TAT: variants seen among roughly 807,000 people sequenced by gnomAD.
TAT encodes the protein L-tyrosine:2-oxoglutarate aminotransferase.
In TAT, 35 loss-of-function variants were observed where a neutral mutation model predicts 53.6. The observed-to-expected ratio is 0.65, with a 90% confidence interval of 0.50 to 0.87. TAT has a LOEUF of 0.87. Among genes scored for constraint, TAT ranks in the 40% least tolerant of loss-of-function variants. The pLI is 0.00. For synonymous variants in TAT, 197 were observed against 206.5 expected, an observed-to-expected ratio of 0.95 and a Z score of 0.39; for missense variants, 525 against 571.8, an observed-to-expected ratio of 0.92 and a Z score of 0.83.
chr16:71,571,342 C>G (rs2044201711), intron 7 of TAT, among the ~76,000 whole-genome samples: 1 of 152,120 alleles, frequency 6.6e-6, no homozygotes, highest in South Asian at 2.1e-4. Flanking sequence ...TATAGATCCA[C>G]AAGTGGGAAA....
At chr16:71,571,494 T>A in intron 7 of TAT, 112 bp downstream of exon 7, 2 of 990,914 alleles carry the variant, frequency 2.0e-6, no homozygotes, top group Non-Finnish European at 3.2e-6. Flanking sequence ...AGTGCAGGGA[T>A]GCTGATTTGC....
At chr16:71,568,944 G>A in intron 10 of TAT, 135 bp from the exon 11 acceptor site, 1 of 705,602 alleles carries the variant, frequency 1.4e-6, no homozygotes. Flanking sequence ...TAAATAAGAG[G>A]GCTAATATTT....
chr16:71,572,759 G>T, intron 4 of TAT, 71 bp from the exon 5 acceptor site: 1 of 1,571,140 alleles, frequency 6.4e-7, no homozygotes, highest in South Asian at 1.1e-5. Flanking sequence ...GTTGTCAGGT[G>T]GGTGAGTTGG....
Position 71,575,953 on chromosome 16 carries a change from C to T in TAT, c.309G>A (p.Ser103=), listed in dbSNP as rs78302875. 106,553 of 1,613,964 alleles carry T rather than the reference C, an allele frequency of 0.066. 3,809 individuals are homozygous for T. Among genetic ancestry groups the T allele is most frequent in the African/African-American group, 0.1 (7,457 of 74,944 alleles). ...VTQAMKDALD[S]GKYNGYAPSI... ...ATGGGGCATAGCCATTATATTTGCC[C>T]GAGTCCAGGGCATCTTTCATTGCCT... The change falls in exon 3 of 12, where the codon TCG becomes TCA. Residue 103 remains serine, a synonymous_variant. Coordinates refer to ENST00000355962, the MANE Select transcript of TAT (RefSeq NM_000353.3).
At chr16:71,568,562 A>G in intron 11 of TAT, 149 bp downstream of exon 11, 1 of 765,742 alleles carries the variant, frequency 1.3e-6, no homozygotes, top group East Asian at 2.7e-5. Context: ...CAAATTTTAA[A>G]TAGGATCCAT....
intron 3 of TAT, 184 bp downstream of exon 3, chr16:71,575,738 C>T: frequency 3.0e-6 from 2 of 671,104 alleles, no homozygotes; most frequent in South Asian, 3.4e-5. Context: ...AGAAGTTGGA[C>T]CTTGATGCCT....
rs532257908 is a variant in TAT at position 71,572,379 on chromosome 16, C to T, written c.568-55G>A. 1.6e-4 allele frequency: 255 copies of T among 1,611,850 alleles called. 2 individuals are homozygous for T. The highest frequency in any genetic ancestry group is 5.8e-4 in the South Asian group (53 of 91,000). ...TGATTCTGAAACATTTAGGGGGAATCCTCACTTATCTCAAGGGTCCAATGT... is the reference window on the plus strand; with the variant it reads ...TGATTCTGAAACATTTAGGGGGAATTCTCACTTATCTCAAGGGTCCAATGT... On this transcript the variant is annotated intron_variant, in intron 5 of 11. Transcript: ENST00000355962.
In TAT at chr16:71,569,849, C is replaced by T; in HGVS notation, c.1125+5G>A. The T allele has an allele frequency of 6.2e-7, 1 of 1,613,308 alleles. No homozygotes were observed. The highest frequency in any genetic ancestry group is 8.5e-7 in the Non-Finnish European group (1 of 1,179,676). On this transcript the variant is annotated splice_donor_5th_base_variant and intron_variant, in intron 10 of 11. Transcript: ENST00000355962. ...TGACCTAGTGCCTGCCACCCACATA[C>T]TCACCATGAGGTACATAGCCCCAGA...
chr16:71,575,592 A>G, intron 3 of TAT: 1 of 404,364 alleles, frequency 2.5e-6, no homozygotes, highest in Non-Finnish European at 4.7e-6. Context: ...CTAGAGGCTC[A>G]GCAAACACAA....
rs1489540665 is a variant in TAT at position 71,570,669 on chromosome 16, A to G, written c.912+10T>C. On this transcript the variant is annotated intron_variant, in intron 8 of 11. Transcript: ENST00000355962. ...CCTAAATTACACATACTCTTTCACC[A>G]TATTATCACCTCATTGCCAAAAATG... The G allele has an allele frequency of 6.8e-6, 11 of 1,614,172 alleles. No individual in the cohort carries two copies. The highest frequency in any genetic ancestry group is 9.3e-6 in the Non-Finnish European group (11 of 1,180,038).
rs761320051 is a variant in TAT, at chr16:71,572,596, A to T, written c.501T>A (p.Pro167=). ...NPGQNILVPR[P]GFSLYKTLAE... ...CCAGAGTCTTGTAGAGAGAGAAACC[A>T]GGTCTTGGAACCAGGATGTTTTGCC... The change falls in exon 5 of 12, where the codon CCT becomes CCA. Residue 167 remains proline (P), a synonymous_variant. Coordinates refer to ENST00000355962, the MANE Select transcript of TAT (RefSeq NM_000353.3). The T allele has an allele frequency of 2.4e-5, 38 of 1,614,276 alleles. No homozygotes were observed. The highest frequency in any genetic ancestry group is 3.1e-5 in the Non-Finnish European group (37 of 1,180,044).
In TAT at chr16:71,566,239, A is replaced by C. The variant is rs2145226768; in HGVS notation, c.*1905T>G. On this transcript the variant is annotated 3_prime_UTR_variant, in exon 12 of 12. Transcript: ENST00000355962. Reference sequence around the variant, plus strand: ...GTGAGCTCACTGAACTCAAATTGAAAGGGAACATATGCTGTTTATTTTTGT... The same window carrying C: ...GTGAGCTCACTGAACTCAAATTGAACGGGAACATATGCTGTTTATTTTTGT... 1.3e-5 allele frequency: 2 copies of C among 152,322 alleles called. No individual in the cohort carries two copies. The highest frequency in any genetic ancestry group is 4.1e-4 in the South Asian group (2 of 4,830). 9.4% of individuals were successfully genotyped at this position (152,322 alleles called of 1,614,324 possible).
intron 10 of TAT, among the ~76,000 whole-genome samples, chr16:71,569,456 C>A (rs1208040758): frequency 6.6e-6 from 1 of 152,244 alleles, no homozygotes; most frequent in East Asian, 1.9e-4. Context: ...TCCATCTCAG[C>A]CTCCCAAGGA....
At chr16:71,568,490 C>T in intron 11 of TAT, 1 of 689,150 alleles carries the variant, frequency 1.5e-6, no homozygotes, top group Non-Finnish European at 2.5e-6. Flanking sequence ...TTCCTCTCAC[C>T]TAGAACGTTT....
Position 71,568,751 on chromosome 16 carries a change from C to A in TAT, c.1184G>T (p.Arg395Leu), listed in dbSNP as rs774152875. 6.2e-7 allele frequency: 1 copy of A among 1,613,956 alleles called. No homozygotes were observed. Among genetic ancestry groups the A allele is most frequent in the Admixed American group, 1.7e-5 (1 of 60,014 alleles). Residue 395 changes from arginine to leucine, a missense_variant, in exon 11 of 12, where the codon CGG becomes CTG. By Grantham distance (102) the Arg-to-Leu change is moderately radical. Coordinates refer to ENST00000355962, the MANE Select transcript of TAT (RefSeq NM_000353.3). ...GTGGACAGACTGCTCAGCAACTAAC[C>A]GCTCCGTGAACTCCACATCGTTCTC... ...EFENDVEFTE[R>L]LVAEQSVHCL... is the part of the protein sequence containing the mutation.
In TAT at chr16:71,566,883, AAAAC is replaced by A. The variant is rs1172259768; in HGVS notation, c.*1257_*1260del. On this transcript the variant is annotated 3_prime_UTR_variant, in exon 12 of 12. Coordinates refer to ENST00000355962, the MANE Select transcript of TAT (RefSeq NM_000353.3). ...GAAATTTATTAAAAAAAAAAAAAGA[AAAAC>A]AATAATTTATGCCCTTGGCAAAATA... is the stretch of plus-strand genomic sequence containing the variant. 1.3e-5 allele frequency: 2 copies of A among 152,014 alleles called. No homozygotes were observed. Among genetic ancestry groups the A allele is most frequent in the Non-Finnish European group, 2.9e-5 (2 of 68,002 alleles). 9.4% of individuals were successfully genotyped at this position (152,014 alleles called of 1,614,324 possible).
chr16:71,570,224 T>C (rs765038881), intron 9 of TAT, 45 bp downstream of exon 9: 1 of 1,613,980 alleles, frequency 6.2e-7, no homozygotes, highest in Non-Finnish European at 8.5e-7. Flanking sequence ...GGCGGCATTC[T>C]CTGACTCCCA....
At chr16:71,571,506 G>A (rs750551095) in intron 7 of TAT, 100 bp downstream of exon 7, 43 of 1,102,618 alleles carry the variant, frequency 3.9e-5, no homozygotes, top group Non-Finnish European at 5.7e-5. Flanking sequence ...CTGATTTGCT[G>A]TAATGAAACG....
intron 7 of TAT, 107 bp from the exon 8 acceptor site, chr16:71,570,938 G>C: frequency 7.4e-7 from 1 of 1,351,476 alleles, no homozygotes; most frequent in South Asian, 1.3e-5. Context: ...CAGGTCCTTG[G>C]ATTAATGGGA....
Sources: gnomAD v4.1 joint callset for allele counts (sites outside exome capture counted in the v4.1 genomes callset) on GRCh38, gnomAD v4.1.1 for gene constraint, MANE v1.5 for transcripts, NCBI Gene and HGNC (gene_info 2026-07-23, HGNC 2026-07-21) for gene names.